The following PCP4L1 variants were observed in gnomAD, a reference collection of about 807,000 sequenced individuals.
PCP4L1 encodes the protein Purkinje cell protein 4-like protein 1.
In PCP4L1, 9 loss-of-function variants were observed where a neutral mutation model predicts 9.6. The observed-to-expected ratio is 0.94, with a 90% confidence interval of 0.57 to 1.64. The LOEUF is 1.64. Ranked by LOEUF, PCP4L1 falls within the 40% of genes most tolerant of loss-of-function variation. PCP4L1 has a pLI of 0.00. For synonymous variants in PCP4L1, 31 were observed against 28.2 expected (o/e 1.10, Z -0.31); for missense variants, 81 against 80.8 (o/e 1.00, Z -0.01).
chr1:161,266,981 G>A (rs1398692373), intron 1 of PCP4L1, among the ~76,000 whole-genome samples: 2 of 152,078 alleles, frequency 1.3e-5, no homozygotes, highest in African/African-American at 2.4e-5. Context: ...GGGATAAAAG[G>A]GTCCCAGGGT....
chr1:161,270,587 C>T (rs1219052985), intron 1 of PCP4L1, among the ~76,000 whole-genome samples: 1 of 47,916 alleles, frequency 2.1e-5, no homozygotes, highest in East Asian at 1.1e-3. Flanking sequence ...AAAAGAGAGA[C>T]CCCAGGCTAG....
chr1:161,283,635 T>A lies in PCP4L1; in HGVS notation c.10-33T>A, dbSNP rs370270540. On this transcript the variant is annotated intron_variant, in intron 1 of 2. Transcript: ENST00000504449. ...TGCCTTCAAATTACTTCCATGAATA[T>A]CTAATATTCTGATATCCTAATATTT... 7.8e-5 allele frequency: 121 copies of A among 1,548,912 alleles called. No homozygotes were observed. The African/African-American group carries it at 1.6e-3, about 20-fold the overall frequency.
intron 1 of PCP4L1, among the ~76,000 whole-genome samples, chr1:161,276,717 A>G (rs1440117993): frequency 1.6e-5 from 2 of 122,010 alleles, no homozygotes; most frequent in African/African-American, 3.0e-5. Flanking sequence ...GTGTGTGTGT[A>G]TATATATATG....
At chr1:161,269,314 T>C (rs1173449532) in intron 1 of PCP4L1, among the ~76,000 whole-genome samples, 1 of 152,150 alleles carries the variant, frequency 6.6e-6, no homozygotes, top group African/African-American at 2.4e-5. Flanking sequence ...ATATACTTCA[T>C]GAGAAGGTCT....
At chr1:161,281,128 G>A in intron 1 of PCP4L1, among the ~76,000 whole-genome samples, 1 of 152,156 alleles carries the variant, frequency 6.6e-6, no homozygotes, top group East Asian at 1.9e-4. Context: ...AGTGGACACA[G>A]CACATGTTTC....
intron 1 of PCP4L1, among the ~76,000 whole-genome samples, chr1:161,264,971 A>G (rs542496085): frequency 1.3e-5 from 2 of 152,342 alleles, no homozygotes; most frequent in African/African-American, 2.4e-5. Flanking sequence ...ACTATCCATC[A>G]TTACGCAGGA....
rs559205957 is a variant in PCP4L1, at chr1:161,285,420, C to A, written c.*939C>A. The A allele has an allele frequency of 6.6e-6, 1 of 152,418 alleles. No individual in the cohort carries two copies. Among genetic ancestry groups the A allele is most frequent in the African/African-American group, 2.4e-5 (1 of 41,554 alleles). The allele number at this position is 152,418 out of a possible 1,614,324, so 9.4% of individuals were successfully genotyped here. A position where few individuals can be genotyped will look rare whatever the true frequency, so the allele number is the denominator to read the frequency against. On this transcript the variant is annotated 3_prime_UTR_variant, in exon 3 of 3. Transcript: ENST00000504449. ...CATGTTTAATCATTTTAACAATAAA[C>A]CACCCCACAAATGGGGTCATTTAAC...
At chr1:161,270,614 C>A (rs970505165) in intron 1 of PCP4L1, among the ~76,000 whole-genome samples, 1 of 149,508 alleles carries the variant, frequency 6.7e-6, no homozygotes, top group African/African-American at 2.5e-5. Flanking sequence ...TGGCTCATGC[C>A]TGTAATCCCA....
chr1:161,260,986 G>A (rs933732178), intron 1 of PCP4L1, among the ~76,000 whole-genome samples: 3 of 152,060 alleles, frequency 2.0e-5, no homozygotes, highest in African/African-American at 7.2e-5. Context: ...CTTCTCTAGG[G>A]GCCGAGATCC....
intron 1 of PCP4L1, among the ~76,000 whole-genome samples, chr1:161,279,516 C>T (rs1160057958): frequency 6.6e-6 from 1 of 152,176 alleles, no homozygotes; most frequent in Non-Finnish European, 1.5e-5. Context: ...ATCTACAGAA[C>T]ATAAATTGGA....
At position 161,258,837 on chromosome 1, in the gene PCP4L1, G is replaced by C; in HGVS notation, c.-138G>C. 7.6e-7 allele frequency: 1 copy of C among 1,322,658 alleles called. No individual in the cohort carries two copies. Among genetic ancestry groups the C allele is most frequent in the African/African-American group, 1.5e-5 (1 of 67,830 alleles). The allele number at this position is 1,322,658 out of a possible 1,614,324, so 81.9% of individuals were successfully genotyped here. On this transcript the variant is annotated 5_prime_UTR_variant, in exon 1 of 3. Coordinates refer to ENST00000504449, the MANE Select transcript of PCP4L1 (RefSeq NM_001102566.2). ...GCCAGCACCAGAGCAGCGGCTCTCC[G>C]CACTAACTCTCCTCTCCTGGTCAGC...
At chr1:161,281,581 G>A (rs189384697) in intron 1 of PCP4L1, among the ~76,000 whole-genome samples, 60,281 of 150,024 alleles carry the variant, frequency 0.4, 12,716 homozygotes, top group East Asian at 0.64. Flanking sequence ...CCTCCCTCCC[G>A]GACGGGGCAG....
At chr1:161,265,915 T>G (rs1297811774) in intron 1 of PCP4L1, among the ~76,000 whole-genome samples, 1 of 151,904 alleles carries the variant, frequency 6.6e-6, no homozygotes, top group African/African-American at 2.4e-5. Context: ...TTTTTTTGTA[T>G]TTTTAGTAGA....
chr1:161,262,016 G>A (rs1571789287), intron 1 of PCP4L1, among the ~76,000 whole-genome samples: 1 of 152,330 alleles, frequency 6.6e-6, no homozygotes. Flanking sequence ...CTGTGAACCA[G>A]TTGTTAGGGA....
chr1:161,284,262 C>A, intron 2 of PCP4L1, 77 bp from the exon 3 acceptor site: 1 of 1,594,566 alleles, frequency 6.3e-7, no homozygotes. Flanking sequence ...GGACCTTACC[C>A]ACTGTATTGG....
At chr1:161,265,229 C>T (rs1258166677) in intron 1 of PCP4L1, among the ~76,000 whole-genome samples, 2 of 152,238 alleles carry the variant, frequency 1.3e-5, no homozygotes, top group African/African-American at 4.8e-5. Flanking sequence ...AGTTCAAAGG[C>T]TTTGGGAAGA....
At chr1:161,267,332 T>C (rs929434614) in intron 1 of PCP4L1, among the ~76,000 whole-genome samples, 20 of 152,208 alleles carry the variant, frequency 1.3e-4, no homozygotes, top group African/African-American at 4.8e-4. Flanking sequence ...AATACAGGTA[T>C]AGGTAGTCTA....
At chr1:161,267,952 A>AT (rs2102233618) in intron 1 of PCP4L1, among the ~76,000 whole-genome samples, 1 of 152,236 alleles carries the variant, frequency 6.6e-6, no homozygotes, top group South Asian at 2.1e-4. Flanking sequence ...ACCTCAGGTG[A>AT]TCCCCCTGCC....
At chr1:161,261,949 C>T (rs1227785225) in intron 1 of PCP4L1, among the ~76,000 whole-genome samples, 1 of 152,252 alleles carries the variant, frequency 6.6e-6, no homozygotes, top group Non-Finnish European at 1.5e-5. Context: ...CTGTCTGCAT[C>T]TGCCACCTTC....
Sources: allele counts gnomAD v4.1 joint callset (sites outside exome capture counted in the v4.1 genomes callset), GRCh38; gene constraint gnomAD v4.1.1; transcripts MANE v1.5; gene names NCBI Gene and HGNC (gene_info 2026-07-23, HGNC 2026-07-21).